Variants in PATJ observed in about 807,000 individuals in gnomAD.
PATJ encodes inaD-like protein.
PATJ carries 190 observed loss-of-function variants against 224.9 expected under a neutral mutation model. The ratio of observed to expected loss-of-function variants is 0.84; its 90% CI spans 0.75 to 0.95. PATJ has a LOEUF of 0.95. PATJ is among the 40% of genes least tolerant of loss of function. PATJ has a pLI of 0.00. For missense variants in PATJ, 2,121 were observed against 2,270.3 expected (o/e 0.93, Z 1.34); for synonymous variants, 769 against 820.3 (o/e 0.94, Z 1.07).
chr1:61,827,362 A>T, intron 15 of PATJ, 60 bp from the exon 16 acceptor site: 1 of 1,410,438 alleles, frequency 7.1e-7, no homozygotes, highest in East Asian at 2.4e-5. Context: ...TATAAATAAG[A>T]GATTTTTGTT....
chr1:61,834,546 A>C (rs1400323754), intron 17 of PATJ, among the ~76,000 whole-genome samples: 1 of 152,140 alleles, frequency 6.6e-6, no homozygotes, highest in African/African-American at 2.4e-5. Flanking sequence ...GTTGCCAAGA[A>C]ATCTCTTAAC....
Position 61,875,256 on chromosome 1 carries a change from T to G in PATJ, c.2849T>G (p.Phe950Cys). The G allele has an allele frequency of 6.3e-7, 1 of 1,591,742 alleles. No individual in the cohort carries two copies. The highest frequency in any genetic ancestry group is 1.1e-5 in the South Asian group (1 of 87,832). Residue 950 changes from phenylalanine (F) to cysteine (C), a missense_variant, in exon 21 of 44, where the codon TTT becomes TGT. Phe to Cys is a radical substitution (Grantham distance 205). Coordinates refer to ENST00000642238, the MANE Select transcript of PATJ (RefSeq NM_001350145.3). Reference protein sequence around the residue: ...YCPENVMKENFVMESLPSVPS... With the variant: ...YCPENVMKENCVMESLPSVPS... Reference sequence around the variant, plus strand: ...CTTCCTCTCAAGATGAAAGAAAATTTTGTCATGGAGTCCCTACCATCTGTA... The same window carrying G: ...CTTCCTCTCAAGATGAAAGAAAATTGTGTCATGGAGTCCCTACCATCTGTA...
intron 27 of PATJ, among the ~76,000 whole-genome samples, chr1:61,970,289 C>T (rs768640642): frequency 6.6e-6 from 1 of 151,454 alleles, no homozygotes. Context: ...GTTCCCAATA[C>T]CTCCCCCACC....
intron 3 of PATJ, 131 bp downstream of exon 3, chr1:61,763,310 A>G (rs1646070368): frequency 2.1e-6 from 1 of 465,398 alleles, no homozygotes; most frequent in Non-Finnish European, 3.7e-6. Flanking sequence ...CTGTATTGGG[A>G]CCTGTAACCT....
intron 27 of PATJ, among the ~76,000 whole-genome samples, chr1:61,981,604 G>A (rs1644451481): frequency 6.6e-6 from 1 of 151,700 alleles, no homozygotes; most frequent in South Asian, 2.1e-4. Context: ...AGTATGACTG[G>A]AGGACAAAAG....
intron 30 of PATJ, among the ~76,000 whole-genome samples, chr1:62,040,023 G>A (rs1570265701): frequency 6.6e-6 from 1 of 152,034 alleles, no homozygotes; most frequent in South Asian, 2.1e-4. Context: ...TCTCTCCCAA[G>A]CACATAGTTA....
chr1:61,957,040 G>A (rs1680538257), intron 27 of PATJ, among the ~76,000 whole-genome samples: 1 of 152,150 alleles, frequency 6.6e-6, no homozygotes, highest in Middle Eastern at 3.2e-3. Context: ...TGAGTATGTG[G>A]CCATTAATGC....
In PATJ at chr1:62,162,732, A is replaced by T. The variant is rs1669925430; in HGVS notation, c.*1678A>T. 6.0e-6 allele frequency: 1 copy of T among 166,618 alleles called. No homozygotes were observed. Among genetic ancestry groups the T allele is most frequent in the African/African-American group, 2.4e-5 (1 of 41,564 alleles). 10.3% of individuals were successfully genotyped at this position (166,618 alleles called of 1,614,324 possible). ...GGGAGGCCAGGGCAGGCGAATCATG[A>T]GGTCAGGAGTTCGAGACCAGCCTGG... On this transcript the variant is annotated 3_prime_UTR_variant, in exon 44 of 44. Coordinates refer to ENST00000642238, the MANE Select transcript of PATJ (RefSeq NM_001350145.3).
rs573634945 is a variant in PATJ at position 62,156,653 on chromosome 1, C to T, written c.5502+3172C>T. ...CTGTGTGACTGGGCACAGTGGTTCA[C>T]GCCTGTAATCCCAGCACCTTGGGAA... is the stretch of plus-strand genomic sequence containing the variant. On this transcript the variant is annotated intron_variant, in intron 43 of 43. Coordinates refer to ENST00000642238, the MANE Select transcript of PATJ (RefSeq NM_001350145.3). 4.0e-3 allele frequency among the ~76,000 whole-genome samples: 604 copies of T among 152,050 alleles called. 7 individuals are homozygous for T. The highest frequency in any genetic ancestry group is 0.014 in the African/African-American group (575 of 41,478).
At position 61,997,767 on chromosome 1, in the gene PATJ, GT is replaced by G. The variant is rs1645454217; in HGVS notation, c.3867+7409del. 2.0e-5 allele frequency among the ~76,000 whole-genome samples: 3 copies of G among 148,412 alleles called. No homozygotes were observed. The Admixed American group carries it at 2.1e-4, about 10-fold the overall frequency. ...ATTCCATGCTATTCTTATCTTCTTA[GT>G]TTTTTATGTGTGCGGTTTTTTGTTT... is the stretch of plus-strand genomic sequence containing the variant. On this transcript the variant is annotated intron_variant, in intron 28 of 43. Transcript: ENST00000642238.
chr1:62,156,586 A>C (rs1669244505), intron 43 of PATJ, among the ~76,000 whole-genome samples: 1 of 151,570 alleles, frequency 6.6e-6, no homozygotes, highest in Non-Finnish European at 1.5e-5. Flanking sequence ...ATAGTCCCAA[A>C]GGATTTATTA....
chr1:61,992,406 C>T (rs139311877), intron 28 of PATJ, among the ~76,000 whole-genome samples: 300 of 152,272 alleles, frequency 2.0e-3, no homozygotes, highest in African/African-American at 6.9e-3. Flanking sequence ...GCGTGAGTCA[C>T]CAGGCCTGGT....
At chr1:61,791,701 T>C (rs953329267) in intron 9 of PATJ, among the ~76,000 whole-genome samples, 2 of 152,182 alleles carry the variant, frequency 1.3e-5, no homozygotes, top group Non-Finnish European at 2.9e-5. Flanking sequence ...TTGTATCTTC[T>C]CTTGTTTGTA....
chr1:62,067,789 G>T (rs538674136), intron 31 of PATJ, among the ~76,000 whole-genome samples: 1 of 152,218 alleles, frequency 6.6e-6, no homozygotes, highest in African/African-American at 2.4e-5. Context: ...ATGCTTTTAG[G>T]CTGAACCACC....
chr1:62,027,976 G>GT (rs1380074757), intron 29 of PATJ, among the ~76,000 whole-genome samples: 2 of 151,974 alleles, frequency 1.3e-5, no homozygotes, highest in Non-Finnish European at 2.9e-5. Context: ...TATACACAAG[G>GT]TTTTTTATTT....
intron 27 of PATJ, among the ~76,000 whole-genome samples, chr1:61,979,584 C>T (rs1310597717): frequency 2.0e-5 from 3 of 149,238 alleles, no homozygotes; most frequent in Non-Finnish European, 4.4e-5. Context: ...ACTCGGGAGG[C>T]GGAGATTGCA....
At chr1:61,871,439 ATATACACATATATATGCGTATATATATG>A (rs1666454370) in intron 20 of PATJ, among the ~76,000 whole-genome samples, 2 of 86,336 alleles carry the variant, frequency 2.3e-5, no homozygotes, top group African/African-American at 9.0e-5. Context: ...ATATATGTGT[ATATACACATATATATGCGTATATATATG>A]TATATACATA....
In PATJ at chr1:61,787,810, G is replaced by C. The variant is rs942005055; in HGVS notation, c.906G>C (p.Gln302His). 4 of 1,614,200 alleles carry C rather than the reference G, an allele frequency of 2.5e-6. No homozygotes were observed. Among genetic ancestry groups the C allele is most frequent in the Non-Finnish European group, 3.4e-6 (4 of 1,180,024 alleles). ...TGAAGATTGGTGGCACAAACGTGCA[G>C]GGAATGACCAGTGAGCAAGTTGCAC... is the stretch of plus-strand genomic sequence containing the variant. Reference protein sequence around the residue: ...HILKIGGTNVQGMTSEQVAQV... With the variant: ...HILKIGGTNVHGMTSEQVAQV... Residue 302 changes from glutamine (Q) to histidine (H), a missense_variant, in exon 8 of 44, where the codon CAG (glutamine) becomes CAC (histidine). Transcript: ENST00000642238.
chr1:61,891,053 A>G (rs1032786378), intron 22 of PATJ, among the ~76,000 whole-genome samples: 1 of 152,122 alleles, frequency 6.6e-6, no homozygotes, highest in Non-Finnish European at 1.5e-5. Context: ...TAACAAAAAA[A>G]AAAATGTAAT....
Sources: gnomAD v4.1 joint callset for allele counts (sites outside exome capture counted in the v4.1 genomes callset) on GRCh38, gnomAD v4.1.1 for gene constraint, MANE v1.5 for transcripts, NCBI Gene and HGNC (gene_info 2026-07-23, HGNC 2026-07-21) for gene names.